The following TMEM132C variants were observed in gnomAD, a reference collection of about 807,000 sequenced individuals.
The protein encoded by TMEM132C is transmembrane protein 132C, also known as protein phosphatase 1, regulatory subunit 152.
In TMEM132C, 29 loss-of-function variants were observed where a neutral mutation model predicts 61.4. That is an observed-to-expected ratio of 0.47 (90% CI 0.35 to 0.64). TMEM132C has a LOEUF of 0.64. Ranked by LOEUF, TMEM132C falls within the 30% of genes least tolerant of loss-of-function variation. TMEM132C has a pLI of 0.00. For synonymous variants in TMEM132C, 656 were observed against 633.1 expected (o/e 1.04, Z -0.54); for missense variants, 1,408 against 1,476.9 (o/e 0.95, Z 0.76).
chr12:128,684,793 C>T (rs1430391539), intron 5 of TMEM132C, among the ~76,000 whole-genome samples: 1 of 152,102 alleles, frequency 6.6e-6, no homozygotes, highest in African/African-American at 2.4e-5. Flanking sequence ...TTTTCTTTTT[C>T]CTTCTCTTCC....
chr12:128,636,564 TTG>T (rs61201583), intron 4 of TMEM132C, among the ~76,000 whole-genome samples: 27,990 of 142,040 alleles, frequency 0.2, 2,626 homozygotes, highest in Non-Finnish European at 0.2. Flanking sequence ...GGGTTTTTGT[TTG>T]TGTGTGTGTG....
At chr12:128,434,764 G>A (rs867647399) in intron 2 of TMEM132C, among the ~76,000 whole-genome samples, 52 of 152,008 alleles carry the variant, frequency 3.4e-4, no homozygotes, top group Admixed American at 2.6e-3. Context: ...CACTATGCCC[G>A]GCTAATTTTT....
chr12:128,396,578 A>G (rs1394567171), intron 1 of TMEM132C, among the ~76,000 whole-genome samples: 3 of 152,190 alleles, frequency 2.0e-5, no homozygotes, highest in African/African-American at 4.8e-5. Flanking sequence ...AAATAATAAT[A>G]ATAATAATAA....
intron 3 of TMEM132C, among the ~76,000 whole-genome samples, chr12:128,608,781 T>TC (rs1028496688): frequency 1.3e-5 from 2 of 152,168 alleles, no homozygotes. Flanking sequence ...TCTTTTAATT[T>TC]CCCCACGTAA....
intron 2 of TMEM132C, among the ~76,000 whole-genome samples, chr12:128,510,804 G>A (rs115386236): frequency 3.8e-4 from 58 of 152,358 alleles, no homozygotes; most frequent in African/African-American, 1.3e-3. Context: ...TCAGATGGGC[G>A]TGGATCACAG....
chr12:128,357,671 G>A (rs1299827226), intron 1 of TMEM132C, among the ~76,000 whole-genome samples: 13 of 149,504 alleles, frequency 8.7e-5, no homozygotes, highest in Non-Finnish European at 1.8e-4. Flanking sequence ...CTCCAGCCTG[G>A]GCAACAGTGA....
intron 1 of TMEM132C, among the ~76,000 whole-genome samples, chr12:128,295,190 G>T (rs1287643045): frequency 6.6e-6 from 1 of 152,072 alleles, no homozygotes; most frequent in Non-Finnish European, 1.5e-5. Flanking sequence ...TATTATGTTT[G>T]AGACAGGGTC....
chr12:128,301,907 C>G (rs185035096), intron 1 of TMEM132C, among the ~76,000 whole-genome samples: 5 of 152,262 alleles, frequency 3.3e-5, no homozygotes, highest in Non-Finnish European at 5.9e-5. Context: ...TACATGGTGG[C>G]AGATGAGAGA....
intron 3 of TMEM132C, among the ~76,000 whole-genome samples, chr12:128,549,938 G>T (rs150438613): frequency 6.6e-6 from 1 of 152,088 alleles, no homozygotes; most frequent in South Asian, 2.1e-4. Context: ...GGTCTGCCTC[G>T]GAGGACAAGC....
intron 1 of TMEM132C, among the ~76,000 whole-genome samples, chr12:128,297,878 A>G (rs1166550234): frequency 6.6e-6 from 1 of 152,228 alleles, no homozygotes; most frequent in Non-Finnish European, 1.5e-5. Flanking sequence ...CAATTAAAAT[A>G]GTACTTAGCC....
chr12:128,422,208 G>A (rs1235694529), intron 2 of TMEM132C, among the ~76,000 whole-genome samples: 1 of 152,140 alleles, frequency 6.6e-6, no homozygotes, highest in Non-Finnish European at 1.5e-5. Flanking sequence ...CTGAGGATGG[G>A]ATGACTTCCA....
rs562910367 is a variant in TMEM132C at position 128,468,866 on chromosome 12, A to T, written c.974+53246A>T. On this transcript the variant is annotated intron_variant, in intron 2 of 8. Coordinates refer to ENST00000435159, the MANE Select transcript of TMEM132C (RefSeq NM_001136103.3). ...GATATTACTACTTAAGACAACTTTT[A>T]AAAAAATTAGTTTAAAATATTAAAT... is the stretch of plus-strand genomic sequence containing the variant. Among the ~76,000 whole-genome samples, 7 of 152,304 alleles carry T rather than the reference A, an allele frequency of 4.6e-5. No individual in the cohort carries two copies. In the East Asian group the frequency reaches 7.7e-4, roughly 17 times the overall value.
intron 4 of TMEM132C, among the ~76,000 whole-genome samples, chr12:128,642,594 T>A (rs1954166064): frequency 6.6e-6 from 1 of 152,148 alleles, no homozygotes; most frequent in South Asian, 2.1e-4. Flanking sequence ...TCTCTCTTGC[T>A]CCCTCTCTCG....
At chr12:128,499,352 A>C (rs994872203) in intron 2 of TMEM132C, among the ~76,000 whole-genome samples, 2 of 152,204 alleles carry the variant, frequency 1.3e-5, no homozygotes, top group Non-Finnish European at 2.9e-5. Context: ...GTAATGATCA[A>C]ATTAGGGTAA....
intron 2 of TMEM132C, among the ~76,000 whole-genome samples, chr12:128,418,349 C>A (rs562404805): frequency 1.3e-5 from 2 of 152,122 alleles, no homozygotes; most frequent in African/African-American, 4.8e-5. Context: ...ATGTTACGGA[C>A]GGCGTACACA....
chr12:128,366,255 C>A (rs1052680639), intron 1 of TMEM132C, among the ~76,000 whole-genome samples: 3 of 152,188 alleles, frequency 2.0e-5, no homozygotes, highest in African/African-American at 7.2e-5. Context: ...TTTTTTACCT[C>A]CCCTGTCCCC....
At chr12:128,687,236 A>G (rs1156810975) in intron 5 of TMEM132C, among the ~76,000 whole-genome samples, 1 of 151,386 alleles carries the variant, frequency 6.6e-6, no homozygotes. Flanking sequence ...TGTCAGAGAA[A>G]GAATCTTTGA....
intron 4 of TMEM132C, among the ~76,000 whole-genome samples, chr12:128,622,342 T>TAAAAAA: frequency 1.4e-4 from 1 of 7,112 alleles, no homozygotes; most frequent in South Asian, 0.01. Flanking sequence ...AGACTTTGTC[T>TAAAAAA]CAAAAAAAAA....
rs141551756 is a variant in TMEM132C, at chr12:128,456,498, C to A, written c.974+40878C>A. ...ATTGGCTCACTGCAGCCTCAATGTCCCAGGCTCAAGTGATTCTCCCAGCTC... is the reference window on the plus strand; with the variant it reads ...ATTGGCTCACTGCAGCCTCAATGTCACAGGCTCAAGTGATTCTCCCAGCTC... On this transcript the variant is annotated intron_variant, in intron 2 of 8. Coordinates refer to ENST00000435159, the MANE Select transcript of TMEM132C (RefSeq NM_001136103.3). Among the ~76,000 whole-genome samples, 880 of 144,242 alleles carry A rather than the reference C, an allele frequency of 6.1e-3. 7 individuals are homozygous for A. The highest frequency in any genetic ancestry group is 0.021 in the African/African-American group (823 of 39,488). The allele number at this position is 144,242 out of a possible 152,430, so 94.6% of individuals were successfully genotyped here.
Sources: allele counts gnomAD v4.1 joint callset (sites outside exome capture counted in the v4.1 genomes callset), GRCh38; gene constraint gnomAD v4.1.1; transcripts MANE v1.5; gene names NCBI Gene and HGNC (gene_info 2026-07-23, HGNC 2026-07-21).